MAD1L1: variants seen among roughly 807,000 people sequenced by gnomAD.
The protein encoded by MAD1L1 is mitotic spindle assembly checkpoint protein MAD1.
Under a neutral mutation model 96.9 loss-of-function variants are expected in MAD1L1, and 95 were observed. The observed-to-expected ratio is 0.98, with a 90% confidence interval of 0.83 to 1.16. The LOEUF (loss-of-function observed/expected upper bound fraction) is 1.16, where lower values mean the gene tolerates loss of function less well. MAD1L1 is among the 50% of genes most tolerant of loss of function. MAD1L1 has a pLI of 0.00. For synonymous variants in MAD1L1, 473 were observed against 396.6 expected (o/e 1.19, Z -2.29); for missense variants, 1,007 against 954.4 (o/e 1.06, Z -0.73).
At chr7:1,866,428 G>A (rs1336146405) in intron 18 of MAD1L1, among the ~76,000 whole-genome samples, 9 of 146,698 alleles carry the variant, frequency 6.1e-5, no homozygotes, top group East Asian at 6.0e-4. Context: ...GGCTGAGGCC[G>A]TAACATGCTC....
At chr7:2,203,583 A>C (rs551541763) in intron 10 of MAD1L1, among the ~76,000 whole-genome samples, 2 of 152,232 alleles carry the variant, frequency 1.3e-5, no homozygotes, top group Non-Finnish European at 2.9e-5. Context: ...GTGTCCATCA[A>C]CAGGGGCTGC....
chr7:2,164,751 TTAAC>T (rs556426818), intron 10 of MAD1L1, among the ~76,000 whole-genome samples: 234 of 152,318 alleles, frequency 1.5e-3, no homozygotes, highest in Admixed American at 3.7e-3. Context: ...GTGAACAAAT[TTAAC>T]TGAGCACCTG....
chr7:2,117,730 T>G (rs1787782228), intron 11 of MAD1L1, among the ~76,000 whole-genome samples: 1 of 152,126 alleles, frequency 6.6e-6, no homozygotes, highest in Non-Finnish European at 1.5e-5. Flanking sequence ...TAAACCTTTT[T>G]CCTTTATAAA....
At chr7:2,131,172 G>C (rs549136180) in intron 11 of MAD1L1, among the ~76,000 whole-genome samples, 3 of 152,090 alleles carry the variant, frequency 2.0e-5, no homozygotes, top group Non-Finnish European at 4.4e-5. Context: ...AGCCTTCTTC[G>C]GGCCCCAGAG....
chr7:2,139,041 T>C (rs1788893417), intron 11 of MAD1L1, among the ~76,000 whole-genome samples: 2 of 152,002 alleles, frequency 1.3e-5, no homozygotes, highest in Non-Finnish European at 1.5e-5. Context: ...CAAGCGGTCT[T>C]CCTCCTCAGC....
At chr7:2,225,578 A>G in intron 3 of MAD1L1, 28 bp from the exon 4 acceptor site, 1 of 1,609,520 alleles carries the variant, frequency 6.2e-7, no homozygotes, top group Non-Finnish European at 8.5e-7. Flanking sequence ...AAAGAAAAAC[A>G]GAATCCTCAG....
intron 11 of MAD1L1, among the ~76,000 whole-genome samples, chr7:2,125,669 C>T (rs1788199038): frequency 1.3e-5 from 2 of 152,208 alleles, no homozygotes; most frequent in Admixed American, 1.3e-4. Context: ...GCCACTGGCC[C>T]TCTCACCCAG....
intron 14 of MAD1L1, among the ~76,000 whole-genome samples, chr7:1,987,493 G>A (rs572258675): frequency 3.9e-5 from 6 of 152,288 alleles, no homozygotes; most frequent in East Asian, 3.9e-4. Context: ...CACAAGCCCC[G>A]GAGTCTGCTC....
chr7:1,857,382 C>T (rs1269049071), intron 18 of MAD1L1, among the ~76,000 whole-genome samples: 2 of 152,146 alleles, frequency 1.3e-5, no homozygotes, highest in African/African-American at 4.8e-5. Context: ...CTGGTCATGC[C>T]CCGGGAGGCA....
chr7:1,976,830 C>G (rs970186067), intron 15 of MAD1L1, among the ~76,000 whole-genome samples: 2 of 152,170 alleles, frequency 1.3e-5, no homozygotes, highest in African/African-American at 4.8e-5. Flanking sequence ...ATTTACGAAC[C>G]TTGAGCTAGA....
intron 13 of MAD1L1, among the ~76,000 whole-genome samples, chr7:2,007,239 G>T (rs1243800745): frequency 6.6e-6 from 1 of 152,226 alleles, no homozygotes; most frequent in Non-Finnish European, 1.5e-5. Flanking sequence ...GGCTAAATGT[G>T]CTGCTGCCCC....
chr7:2,002,002 C>T (rs925456920), intron 14 of MAD1L1, 63 bp downstream of exon 14: 12 of 1,546,882 alleles, frequency 7.8e-6, no homozygotes, highest in South Asian at 1.1e-5. Context: ...TGGGGACAGG[C>T]GTCCCTGCCC....
At chr7:1,857,181 G>C (rs981543992) in intron 18 of MAD1L1, among the ~76,000 whole-genome samples, 1 of 152,304 alleles carries the variant, frequency 6.6e-6, no homozygotes, top group East Asian at 1.9e-4. Flanking sequence ...CAAGAGCCGC[G>C]AGCGCGGACC....
At chr7:2,217,866 C>T (rs1025537317) in intron 7 of MAD1L1, 96 bp downstream of exon 7, 1 of 1,031,014 alleles carries the variant, frequency 9.7e-7, no homozygotes, top group African/African-American at 1.6e-5. Flanking sequence ...ACAGAAGGAC[C>T]ACGGAGCTCG....
intron 12 of MAD1L1, among the ~76,000 whole-genome samples, chr7:2,056,396 TC>T (rs1784391652): frequency 6.9e-6 from 1 of 144,806 alleles, no homozygotes; most frequent in Non-Finnish European, 1.6e-5. Context: ...ATGGAGGCCC[TC>T]TGCTCTGCTC....
At chr7:2,023,094 G>A (rs961792022) in intron 12 of MAD1L1, among the ~76,000 whole-genome samples, 6 of 152,190 alleles carry the variant, frequency 3.9e-5, no homozygotes, top group African/African-American at 1.4e-4. Flanking sequence ...TACAGTTGGA[G>A]GCTTCAACAC....
At chr7:2,043,644 G>C (rs556804650) in intron 12 of MAD1L1, among the ~76,000 whole-genome samples, 25 of 152,336 alleles carry the variant, frequency 1.6e-4, no homozygotes, top group Non-Finnish European at 2.9e-4. Context: ...GAGGGCCTGG[G>C]GGGGCTGGGG....
At chr7:1,869,468 C>G (rs1408647908) in intron 18 of MAD1L1, among the ~76,000 whole-genome samples, 1 of 152,200 alleles carries the variant, frequency 6.6e-6, no homozygotes, top group Non-Finnish European at 1.5e-5. Flanking sequence ...TGCAAGAGCT[C>G]AGCCCACGTG....
At chr7:1,848,133 C>T in intron 18 of MAD1L1, 1 of 230,368 alleles carries the variant, frequency 4.3e-6, no homozygotes, top group South Asian at 6.1e-5. Flanking sequence ...GCTCTCAGGG[C>T]TGGGTCCGCA....
Sources: gnomAD v4.1 joint callset for allele counts (sites outside exome capture counted in the v4.1 genomes callset) on GRCh38, gnomAD v4.1.1 for gene constraint, MANE v1.5 for transcripts, NCBI Gene and HGNC (gene_info 2026-07-23, HGNC 2026-07-21) for gene names.